Variants in SPPL3 observed in about 807,000 individuals in gnomAD.
SPPL3 encodes signal peptide peptidase-like 3.
Under a neutral mutation model 42.4 loss-of-function variants are expected in SPPL3, and 5 were observed. That is an observed-to-expected ratio of 0.12 (90% CI 0.06 to 0.25). The LOEUF (loss-of-function observed/expected upper bound fraction) is 0.25, where lower values mean the gene tolerates loss of function less well. Ranked by LOEUF, SPPL3 falls within the 10% of genes least tolerant of loss-of-function variation. The pLI is 1.00. For synonymous variants in SPPL3, 195 were observed against 181.8 expected, an observed-to-expected ratio of 1.07 and a Z score of -0.58; for missense variants, 235 against 489.0, an observed-to-expected ratio of 0.48 and a Z score of 4.90.
At chr12:120,874,155 A>C (rs1024638494) in intron 1 of SPPL3, among the ~76,000 whole-genome samples, 4 of 152,074 alleles carry the variant, frequency 2.6e-5, no homozygotes, top group African/African-American at 9.7e-5. Flanking sequence ...TGAAGAGTGA[A>C]AGAAATGGTA....
intron 1 of SPPL3, among the ~76,000 whole-genome samples, chr12:120,825,586 G>C (rs993955759): frequency 6.6e-6 from 1 of 152,212 alleles, no homozygotes; most frequent in African/African-American, 2.4e-5. Flanking sequence ...TGGAATTCCA[G>C]AGAGACTCAC....
chr12:120,838,609 GTTCT>G (rs1871699442), intron 1 of SPPL3, among the ~76,000 whole-genome samples: 1 of 152,198 alleles, frequency 6.6e-6, no homozygotes, highest in Non-Finnish European at 1.5e-5. Context: ...TGGGCTCTCT[GTTCT>G]TTGTGTCCAA....
chr12:120,799,339 T>C (rs1221557265), intron 2 of SPPL3, among the ~76,000 whole-genome samples: 3 of 152,198 alleles, frequency 2.0e-5, no homozygotes, highest in African/African-American at 7.2e-5. Flanking sequence ...GTTGTATGGG[T>C]ACTTGAAGTA....
chr12:120,896,211 C>T lies in SPPL3; in HGVS notation c.23+7634G>A, dbSNP rs1031040382. ...CCTTAGTCTAATACCTTAAAGATAC[C>T]TACAAAAACTTTTTCTTAGGAGCTC... On this transcript the variant is annotated intron_variant, in intron 1 of 10. Transcript: ENST00000353487. 3.9e-5 allele frequency among the ~76,000 whole-genome samples: 6 copies of T among 152,112 alleles called. No homozygotes were observed. In the East Asian group the frequency reaches 1.2e-3, roughly 29 times the overall value.
At chr12:120,788,421 G>A (rs1442098076) in intron 3 of SPPL3, among the ~76,000 whole-genome samples, 2 of 152,122 alleles carry the variant, frequency 1.3e-5, no homozygotes, top group Non-Finnish European at 2.9e-5. Context: ...CCTGCAGCGA[G>A]AAACTTTCAA....
chr12:120,768,762 T>C (rs1869000101), intron 7 of SPPL3, 191 bp downstream of exon 7: 2 of 629,790 alleles, frequency 3.2e-6, no homozygotes, highest in Non-Finnish European at 2.8e-6. Flanking sequence ...ACACACACAC[T>C]ACCTACTGTA....
intron 1 of SPPL3, among the ~76,000 whole-genome samples, chr12:120,885,096 A>C (rs961249333): frequency 2.0e-5 from 3 of 152,206 alleles, no homozygotes; most frequent in Non-Finnish European, 4.4e-5. Flanking sequence ...TTGTAATACC[A>C]ACAAATCAAA....
At chr12:120,893,938 G>C (rs1873720163) in intron 1 of SPPL3, among the ~76,000 whole-genome samples, 1 of 152,186 alleles carries the variant, frequency 6.6e-6, no homozygotes, top group African/African-American at 2.4e-5. Context: ...GGCATTTCTA[G>C]AAACATTTGC....
intron 1 of SPPL3, among the ~76,000 whole-genome samples, chr12:120,870,747 A>G (rs1872895092): frequency 6.6e-6 from 1 of 152,214 alleles, no homozygotes; most frequent in Admixed American, 6.5e-5. Context: ...AAGGACAAAT[A>G]AAGGATTCCA....
rs185960304 is a variant in SPPL3, at chr12:120,797,201, T to C, written c.102-5644A>G. Among the ~76,000 whole-genome samples the C allele has an allele frequency of 2.8e-3, 421 of 151,906 alleles. 1 individual carries two copies. The highest frequency in any genetic ancestry group is 4.3e-3 in the Non-Finnish European group (289 of 67,860). On this transcript the variant is annotated intron_variant, in intron 2 of 10. Transcript: ENST00000353487. ...AAACAAAAAACAACAAACAAAAAAA[T>C]TGGGATGAATGTTCAAGGATTCTGT...
Sources: allele counts gnomAD v4.1 joint callset (sites outside exome capture counted in the v4.1 genomes callset), GRCh38; gene constraint gnomAD v4.1.1; transcripts MANE v1.5; gene names NCBI Gene and HGNC (gene_info 2026-07-23, HGNC 2026-07-21).